The following ZNF730 variants were observed in gnomAD, a reference collection of about 807,000 sequenced individuals.
The protein encoded by ZNF730 is zinc finger protein 730, also known as putative zinc finger protein 730.
In ZNF730, 12 loss-of-function variants were observed where a neutral mutation model predicts 12.6. The observed-to-expected ratio is 0.95, with a 90% CI of 0.61 to 1.54. The LOEUF is 1.54. Among genes scored for constraint, ZNF730 ranks in the 40% most tolerant of loss-of-function variants. ZNF730 has a pLI of 0.00. For missense variants in ZNF730, 643 were observed against 583.5 expected (o/e 1.10, Z -1.05); for synonymous variants, 194 against 195.8 (o/e 0.99, Z 0.08).
chr19:23,103,031 T>C (rs1268474166), intron 1 of ZNF730, among the ~76,000 whole-genome samples: 1 of 152,186 alleles, frequency 6.6e-6, no homozygotes, highest in Non-Finnish European at 1.5e-5. Flanking sequence ...AACATTAAAA[T>C]TGTCATCTTC....
At chr19:23,082,860 C>T (rs1969987923) in intron 1 of ZNF730, among the ~76,000 whole-genome samples, 1 of 152,062 alleles carries the variant, frequency 6.6e-6, no homozygotes, top group Non-Finnish European at 1.5e-5. Context: ...TGCCACCATG[C>T]CCAACTAATT....
chr19:23,079,428 A>G (rs1969926630), intron 1 of ZNF730, among the ~76,000 whole-genome samples: 1 of 152,116 alleles, frequency 6.6e-6, no homozygotes, highest in Admixed American at 6.5e-5. Flanking sequence ...AGAGTGCTGG[A>G]ATTACAGCCA....
intron 1 of ZNF730, among the ~76,000 whole-genome samples, chr19:23,094,412 G>A (rs182026294): frequency 1.3e-5 from 2 of 150,108 alleles, no homozygotes; most frequent in African/African-American, 4.9e-5. Flanking sequence ...CTATCTATCT[G>A]TGGGCACTCT....
At chr19:23,122,307 A>AT (rs950035499) in intron 1 of ZNF730, among the ~76,000 whole-genome samples, 53 of 151,796 alleles carry the variant, frequency 3.5e-4, no homozygotes, top group African/African-American at 1.1e-3. Flanking sequence ...CCCTTGACTA[A>AT]TTTTTTTATA....
At chr19:23,088,172 A>G (rs1211080950) in intron 1 of ZNF730, among the ~76,000 whole-genome samples, 1 of 151,866 alleles carries the variant, frequency 6.6e-6, no homozygotes, top group Non-Finnish European at 1.5e-5. Flanking sequence ...GGTGCCCACC[A>G]CCACGCCTGG....
chr19:23,121,585 C>T (rs1970599653), intron 1 of ZNF730, among the ~76,000 whole-genome samples: 1 of 152,192 alleles, frequency 6.6e-6, no homozygotes, highest in African/African-American at 2.4e-5. Flanking sequence ...CGTGATCCAC[C>T]TGCCTCAGCC....
chr19:23,094,286 C>CT (rs918132377), intron 1 of ZNF730, among the ~76,000 whole-genome samples: 242 of 130,158 alleles, frequency 1.9e-3, no homozygotes, highest in African/African-American at 5.4e-3. Context: ...TTTTTCTTTT[C>CT]TTTTTTTTTT....
chr19:23,146,077 T>C lies in ZNF730; in HGVS notation c.1033T>C (p.Cys345Arg). Residue 345 changes from cysteine to arginine, a missense_variant, in exon 4 of 4, where the codon TGT (cysteine) becomes CGT (arginine). Cys to Arg is a radical substitution (Grantham distance 180, BLOSUM62 -3). Coordinates refer to ENST00000597761, the MANE Select transcript of ZNF730 (RefSeq NM_001277403.2). ...AGAAAAACCCTACAAATGTGAAGAA[T>C]GTGGCAAAGCTTTTAACCGATCCTC... is the stretch of plus-strand genomic sequence containing the variant. ...NGEKPYKCEECGKAFNRSSTL... is the reference protein window; with the variant it reads ...NGEKPYKCEERGKAFNRSSTL... The C allele has an allele frequency of 6.2e-7, 1 of 1,612,524 alleles. No homozygotes were observed. Among genetic ancestry groups the C allele is most frequent in the East Asian group, 2.2e-5 (1 of 44,840 alleles).
chr19:23,091,176 T>G (rs993497242), intron 1 of ZNF730, among the ~76,000 whole-genome samples: 1 of 152,130 alleles, frequency 6.6e-6, no homozygotes, highest in Non-Finnish European at 1.5e-5. Context: ...CAAGCCTTGG[T>G]AGCTTCCATG....
chr19:23,080,652 G>C (rs796716596), intron 1 of ZNF730, among the ~76,000 whole-genome samples: 1 of 152,014 alleles, frequency 6.6e-6, no homozygotes, highest in Non-Finnish European at 1.5e-5. Context: ...TGGGATTACA[G>C]ACGTGAACCA....
chr19:23,127,956 T>C (rs1970690777), intron 1 of ZNF730: 1 of 720,358 alleles, frequency 1.4e-6, no homozygotes, highest in Non-Finnish European at 2.5e-6. Context: ...TGTATTGTAC[T>C]GGCCTGCTGC....
intron 1 of ZNF730, chr19:23,127,765 A>G: frequency 2.3e-6 from 2 of 886,478 alleles, no homozygotes; most frequent in Non-Finnish European, 3.8e-6. Flanking sequence ...CCTGAGAGGA[A>G]GTTAGGGCCA....
intron 3 of ZNF730, among the ~76,000 whole-genome samples, chr19:23,141,246 T>G (rs949554414): frequency 1.3e-5 from 2 of 151,516 alleles, no homozygotes; most frequent in Non-Finnish European, 2.9e-5. Context: ...TACAAAAAAA[T>G]TAGCCGGGTG....
chr19:23,132,086 CAT>C (rs1255925521), intron 1 of ZNF730, among the ~76,000 whole-genome samples: 3 of 152,176 alleles, frequency 2.0e-5, no homozygotes, highest in African/African-American at 4.8e-5. Context: ...AAAGGAGAAA[CAT>C]ATTTTTACAT....
chr19:23,080,205 A>G (rs180898715), intron 1 of ZNF730, among the ~76,000 whole-genome samples: 192 of 152,204 alleles, frequency 1.3e-3, no homozygotes, highest in Non-Finnish European at 2.4e-3. Flanking sequence ...TGTTGTATAT[A>G]TGTGCCGCAT....
intron 1 of ZNF730, among the ~76,000 whole-genome samples, chr19:23,129,574 C>CCCG (rs900887384): frequency 2.3e-5 from 3 of 131,102 alleles, no homozygotes; most frequent in African/African-American, 5.6e-5. Context: ...TGCTTGTATC[C>CCCG]CCCCCCCCAT....
intron 1 of ZNF730, among the ~76,000 whole-genome samples, chr19:23,093,528 T>TC (rs1377953030): frequency 6.6e-6 from 1 of 151,762 alleles, no homozygotes; most frequent in Admixed American, 6.6e-5. Context: ...GGTTCCTGCT[T>TC]CCCCCCCTCA....
At chr19:23,119,786 C>T (rs539131283) in intron 1 of ZNF730, among the ~76,000 whole-genome samples, 132 of 152,132 alleles carry the variant, frequency 8.7e-4, no homozygotes, top group African/African-American at 3.2e-3. Flanking sequence ...CACTGCACTC[C>T]AGCCTGGCGA....
chr19:23,142,839 G>A (rs1970944011), intron 3 of ZNF730, among the ~76,000 whole-genome samples: 1 of 150,584 alleles, frequency 6.6e-6, no homozygotes, highest in African/African-American at 2.4e-5. Flanking sequence ...GTCTTTCTTT[G>A]TGTCTTTTTG....
Sources: allele counts gnomAD v4.1 joint callset (sites outside exome capture counted in the v4.1 genomes callset), GRCh38; gene constraint gnomAD v4.1.1; transcripts MANE v1.5; gene names NCBI Gene and HGNC (gene_info 2026-07-23, HGNC 2026-07-21).